MYO10: variants seen among roughly 807,000 people sequenced by gnomAD.
MYO10 encodes the protein myosin X.
MYO10 carries 133 observed loss-of-function variants against 257.3 expected under a neutral mutation model. The ratio of observed to expected loss-of-function variants is 0.52; its 90% CI spans 0.45 to 0.60. The LOEUF (loss-of-function observed/expected upper bound fraction) is 0.60, where lower values mean the gene tolerates loss of function less well. Among genes scored for constraint, MYO10 ranks in the 20% least tolerant of loss-of-function variants. MYO10 has a pLI of 0.00. For missense variants in MYO10, 2,399 were observed against 2,635.7 expected (o/e 0.91, Z 1.97); for synonymous variants, 1,104 against 1,028.6 (o/e 1.07, Z -1.40).
At chr5:16,869,297 C>T (rs1561028268) in intron 2 of MYO10, among the ~76,000 whole-genome samples, 1 of 151,584 alleles carries the variant, frequency 6.6e-6, no homozygotes, top group Non-Finnish European at 1.5e-5. Context: ...CCTCGGCCTC[C>T]CAAAGTGCTG....
intron 17 of MYO10, 114 bp from the exon 18 acceptor site, chr5:16,758,340 G>C (rs1451902768): frequency 6.7e-6 from 5 of 747,216 alleles, no homozygotes; most frequent in Non-Finnish European, 1.2e-5. Context: ...ATACACCCTA[G>C]GCCTGGAAGA....
intron 21 of MYO10, among the ~76,000 whole-genome samples, chr5:16,704,959 G>A (rs1309286499): frequency 6.6e-6 from 1 of 152,142 alleles, no homozygotes; most frequent in African/African-American, 2.4e-5. Flanking sequence ...AATTCAACAG[G>A]CATAAGATGA....
intron 37 of MYO10, among the ~76,000 whole-genome samples, 190 bp downstream of exon 37, chr5:16,672,499 G>A (rs565575678): frequency 6.6e-6 from 1 of 152,282 alleles, no homozygotes; most frequent in Admixed American, 6.5e-5. Flanking sequence ...CATCACGTAA[G>A]ACCGTAGCTT....
chr5:16,935,716 G>A (rs1017463763), intron 1 of MYO10, 72 bp downstream of exon 1: 8 of 1,587,994 alleles, frequency 5.0e-6, no homozygotes, highest in Non-Finnish European at 6.9e-6. Context: ...AGTACCCAGG[G>A]CGCGCGGCGT....
intron 19 of MYO10, among the ~76,000 whole-genome samples, chr5:16,716,622 T>C (rs1427914510): frequency 6.6e-6 from 1 of 151,664 alleles, no homozygotes; most frequent in Non-Finnish European, 1.5e-5. Flanking sequence ...CCATTAAAGT[T>C]ATAATGTTTT....
intron 1 of MYO10, among the ~76,000 whole-genome samples, chr5:16,908,091 G>A (rs1185139819): frequency 6.6e-6 from 1 of 152,036 alleles, no homozygotes; most frequent in Non-Finnish European, 1.5e-5. Flanking sequence ...ACATCAGCTG[G>A]GTGTGGTGGC....
At chr5:16,679,199 C>T (rs1253006558) in intron 33 of MYO10, among the ~76,000 whole-genome samples, 1 of 152,182 alleles carries the variant, frequency 6.6e-6, no homozygotes, top group Non-Finnish European at 1.5e-5. Flanking sequence ...TGGGAATTCA[C>T]TCGTGTGGTC....
At chr5:16,929,979 G>A (rs1746251748) in intron 1 of MYO10, among the ~76,000 whole-genome samples, 1 of 152,134 alleles carries the variant, frequency 6.6e-6, no homozygotes. Context: ...AAAATAATCT[G>A]AAAATAACCA....
At chr5:16,902,548 T>C in intron 1 of MYO10, 2 of 1,581,376 alleles carry the variant, frequency 1.3e-6, no homozygotes, top group Admixed American at 3.3e-5. Context: ...GCCTTGTCCT[T>C]GGGCACGCAT....
At chr5:16,884,839 T>C (rs1744850984) in intron 1 of MYO10, among the ~76,000 whole-genome samples, 1 of 152,128 alleles carries the variant, frequency 6.6e-6, no homozygotes, top group Non-Finnish European at 1.5e-5. Flanking sequence ...TGATTCTTTG[T>C]TGGGGACTGC....
At chr5:16,916,094 T>C (rs1157109167) in intron 1 of MYO10, 1 of 456,254 alleles carries the variant, frequency 2.2e-6, no homozygotes, top group Non-Finnish European at 4.4e-6. Flanking sequence ...GCCTCAGCCT[T>C]GGTAAAGATG....
At position 16,701,520 on chromosome 5, in the gene MYO10, G is replaced by T. The variant is rs778899672; in HGVS notation, c.2875C>A (p.Arg959=). Reference sequence around the variant, plus strand: ...AATTCGCTTCCCACCGACAGGGACCGCTCGATATTCCGGACACACTCGTCG... The same window carrying T: ...AATTCGCTTCCCACCGACAGGGACCTCTCGATATTCCGGACACACTCGTCG... ...EIDECVRNIE[R]SLSVGSEFSS... The change falls in exon 25 of 41, where the codon CGG becomes AGG. Residue 959 remains arginine, a synonymous_variant. Transcript: ENST00000513610. The surrounding 1 kb of genome is among the most constrained non-coding windows in gnomAD (Gnocchi z 8.1). 1.9e-6 allele frequency: 3 copies of T among 1,613,948 alleles called. No individual in the cohort carries two copies. The highest frequency in any genetic ancestry group is 2.5e-6 in the Non-Finnish European group (3 of 1,179,896).
chr5:16,926,417 T>C (rs1214646177), intron 1 of MYO10, among the ~76,000 whole-genome samples: 1 of 152,012 alleles, frequency 6.6e-6, no homozygotes, highest in Non-Finnish European at 1.5e-5. Context: ...AAAAGAACAA[T>C]CTGGCCAGGT....
At chr5:16,755,889 C>T (rs553269752) in intron 18 of MYO10, among the ~76,000 whole-genome samples, 1 of 152,196 alleles carries the variant, frequency 6.6e-6, no homozygotes, top group East Asian at 1.9e-4. Flanking sequence ...ATGTGATTTC[C>T]TCCAGCAGCA....
intron 17 of MYO10, 89 bp from the exon 18 acceptor site, chr5:16,758,315 T>C: frequency 3.2e-6 from 3 of 940,024 alleles, no homozygotes; most frequent in Non-Finnish European, 5.2e-6. Flanking sequence ...CCTTTCTCAA[T>C]GATAATTCAA....
At chr5:16,737,403 C>G (rs753204436) in intron 19 of MYO10, among the ~76,000 whole-genome samples, 1 of 152,154 alleles carries the variant, frequency 6.6e-6, no homozygotes, top group Non-Finnish European at 1.5e-5. Flanking sequence ...TGACACAGGA[C>G]GCACTGATAC....
At chr5:16,683,354 G>T (rs1165163530) in intron 30 of MYO10, among the ~76,000 whole-genome samples, 1 of 152,122 alleles carries the variant, frequency 6.6e-6, no homozygotes, top group African/African-American at 2.4e-5. Flanking sequence ...TGGGCACAAA[G>T]ACGCGTAAGA....
chr5:16,680,964 G>A (rs934880993), intron 32 of MYO10, among the ~76,000 whole-genome samples: 1 of 152,104 alleles, frequency 6.6e-6, no homozygotes, highest in African/African-American at 2.4e-5. Flanking sequence ...TTGCACTCCG[G>A]CCTGGGCAAC....
At position 16,898,082 on chromosome 5, in the gene MYO10, C is replaced by T. The variant is rs77591673; in HGVS notation, c.22-20375G>A. ...AGGTAGGAGGGTCCCAGCAGCTGGACCAAGTATGGACAGTTCTACTTGGGG... is the reference window on the plus strand; with the variant it reads ...AGGTAGGAGGGTCCCAGCAGCTGGATCAAGTATGGACAGTTCTACTTGGGG... On this transcript the variant is annotated intron_variant, in intron 1 of 40. Transcript: ENST00000513610. 2.6e-3 allele frequency among the ~76,000 whole-genome samples: 403 copies of T among 152,146 alleles called. 2 individuals carry two copies. The highest frequency in any genetic ancestry group is 8.9e-3 in the African/African-American group (371 of 41,508).
Sources: gnomAD v4.1 joint callset for allele counts (sites outside exome capture counted in the v4.1 genomes callset) on GRCh38, gnomAD v4.1.1 for gene constraint, Gnocchi (gnomAD v3.1) non-coding constraint, MANE v1.5 for transcripts, NCBI Gene and HGNC (gene_info 2026-07-23, HGNC 2026-07-21) for gene names.